Variants in METTL24 observed in about 807,000 individuals in gnomAD.
METTL24 encodes the protein probable methyltransferase-like protein 24.
In METTL24, 29 loss-of-function variants were observed where a neutral mutation model predicts 32.7. The ratio of observed to expected loss-of-function variants is 0.89; its 90% CI spans 0.66 to 1.21. The LOEUF is 1.21. METTL24 is among the 50% of genes most tolerant of loss of function. The probability of loss-of-function intolerance (pLI) is 0.00; values close to 1 mark genes in which losing one functional copy is unlikely to be tolerated. For synonymous variants in METTL24, 163 were observed against 179.5 expected (o/e 0.91, Z 0.73); for missense variants, 439 against 468.1 (o/e 0.94, Z 0.57).
chr6:110,254,952 A>T (rs1177136161), intron 4 of METTL24, among the ~76,000 whole-genome samples: 1 of 152,224 alleles, frequency 6.6e-6, no homozygotes, highest in Non-Finnish European at 1.5e-5. Context: ...TCTATTGTGA[A>T]TGTGAACAAG....
intron 4 of METTL24, among the ~76,000 whole-genome samples, chr6:110,295,127 A>T (rs1301630595): frequency 6.7e-6 from 1 of 148,962 alleles, no homozygotes. Context: ...GACTCAGTCA[A>T]TCCTCCTATG....
intron 3 of METTL24, among the ~76,000 whole-genome samples, chr6:110,310,811 T>A (rs1402937401): frequency 6.6e-6 from 1 of 152,164 alleles, no homozygotes; most frequent in Non-Finnish European, 1.5e-5. Flanking sequence ...GGAAAGGAGA[T>A]GAGACAGATT....
chr6:110,339,460 A>G (rs184231601), intron 1 of METTL24, among the ~76,000 whole-genome samples: 82 of 152,350 alleles, frequency 5.4e-4, no homozygotes, highest in African/African-American at 1.9e-3. Context: ...TGCATTAGGT[A>G]TGGGTGAGGT....
chr6:110,268,895 C>T (rs1770906296), intron 4 of METTL24, among the ~76,000 whole-genome samples: 1 of 152,192 alleles, frequency 6.6e-6, no homozygotes, highest in South Asian at 2.1e-4. Flanking sequence ...TCTAACTCAT[C>T]CCCTTCCACA....
At chr6:110,278,982 T>C (rs1562223991) in intron 4 of METTL24, among the ~76,000 whole-genome samples, 1 of 152,172 alleles carries the variant, frequency 6.6e-6, no homozygotes, top group East Asian at 1.9e-4. Context: ...TAATTGTGCC[T>C]TTGCACTCAG....
intron 4 of METTL24, among the ~76,000 whole-genome samples, chr6:110,272,436 G>A (rs1770974795): frequency 6.6e-6 from 1 of 152,200 alleles, no homozygotes. Flanking sequence ...AAATGTGTGT[G>A]CATGTGTCTT....
chr6:110,324,873 T>C (rs1771991080), intron 1 of METTL24, among the ~76,000 whole-genome samples: 1 of 152,218 alleles, frequency 6.6e-6, no homozygotes, highest in Non-Finnish European at 1.5e-5. Flanking sequence ...AATAGAGATA[T>C]GACTAAAACC....
At chr6:110,285,286 C>T (rs1453352291) in intron 4 of METTL24, among the ~76,000 whole-genome samples, 2 of 152,190 alleles carry the variant, frequency 1.3e-5, no homozygotes. Context: ...CTGTTGAATG[C>T]CACTCCATGC....
intron 2 of METTL24, among the ~76,000 whole-genome samples, chr6:110,316,302 A>G (rs1562235298): frequency 6.6e-6 from 1 of 152,248 alleles, no homozygotes; most frequent in Non-Finnish European, 1.5e-5. Flanking sequence ...ACACAAAGCA[A>G]ATATACTTCA....
At chr6:110,336,554 C>T (rs4557565) in intron 1 of METTL24, among the ~76,000 whole-genome samples, 24,894 of 151,868 alleles carry the variant, frequency 0.16, 2,358 homozygotes, top group African/African-American at 0.25. Flanking sequence ...TCCTGGCTAA[C>T]ACGGTGAAAC....
At chr6:110,290,179 A>T (rs1006027481) in intron 4 of METTL24, among the ~76,000 whole-genome samples, 1 of 152,092 alleles carries the variant, frequency 6.6e-6, no homozygotes, top group East Asian at 1.9e-4. Flanking sequence ...AGCCTCCCAA[A>T]GTGCTGGGAT....
intron 1 of METTL24, among the ~76,000 whole-genome samples, chr6:110,328,447 C>A (rs1204913763): frequency 6.6e-6 from 1 of 152,176 alleles, no homozygotes; most frequent in African/African-American, 2.4e-5. Flanking sequence ...GGCTATTTTG[C>A]AGATATCTGA....
chr6:110,339,517 G>T (rs769171303), intron 1 of METTL24, among the ~76,000 whole-genome samples: 5 of 152,170 alleles, frequency 3.3e-5, no homozygotes, highest in Admixed American at 6.5e-5. Flanking sequence ...GAGGTGTTCT[G>T]CACTTAGACT....
At chr6:110,302,474 T>C (rs78912766) in intron 3 of METTL24, among the ~76,000 whole-genome samples, 1 of 79,314 alleles carries the variant, frequency 1.3e-5, no homozygotes, top group Non-Finnish European at 2.5e-5. Flanking sequence ...TGTGTATATA[T>C]ACACATATAC....
intron 1 of METTL24, among the ~76,000 whole-genome samples, chr6:110,354,956 A>C (rs543464901): frequency 6.6e-6 from 1 of 152,234 alleles, no homozygotes; most frequent in Non-Finnish European, 1.5e-5. Context: ...ATTTCTTATA[A>C]ATTTTTAACC....
At chr6:110,261,363 A>G (rs1770724088) in intron 4 of METTL24, among the ~76,000 whole-genome samples, 1 of 152,204 alleles carries the variant, frequency 6.6e-6, no homozygotes, top group Non-Finnish European at 1.5e-5. Context: ...ATCAAAAGAG[A>G]CAAAGAAGGC....
At chr6:110,314,009 C>T (rs1771771004) in intron 3 of METTL24, among the ~76,000 whole-genome samples, 1 of 152,012 alleles carries the variant, frequency 6.6e-6, no homozygotes, top group Admixed American at 6.6e-5. Context: ...ACCGGTAATT[C>T]TTGTTTGTTA....
intron 4 of METTL24, among the ~76,000 whole-genome samples, chr6:110,296,129 C>T (rs1771414362): frequency 6.6e-6 from 1 of 152,188 alleles, no homozygotes; most frequent in Non-Finnish European, 1.5e-5. Flanking sequence ...CCTCAGGCAG[C>T]TCTGTTATTC....
chr6:110,351,083 G>A (rs952776722), intron 1 of METTL24, among the ~76,000 whole-genome samples: 28 of 152,108 alleles, frequency 1.8e-4, no homozygotes, highest in Admixed American at 9.2e-4. Context: ...ACTCCAGCCC[G>A]GGTGACAGTG....
Sources: gnomAD v4.1 joint callset for allele counts (sites outside exome capture counted in the v4.1 genomes callset) on GRCh38, gnomAD v4.1.1 for gene constraint, MANE v1.5 for transcripts, NCBI Gene and HGNC (gene_info 2026-07-23, HGNC 2026-07-21) for gene names.